Variants in KIRREL3 observed in about 807,000 individuals in gnomAD.
The protein encoded by KIRREL3 is kirre like nephrin family adhesion molecule 3, also known as kin of IRRE-like protein 3.
A neutral mutation model predicts 89.7 loss-of-function variants in KIRREL3; 36 were observed. The observed-to-expected ratio is 0.40, with a 90% CI of 0.31 to 0.53. KIRREL3 has a LOEUF of 0.53. KIRREL3 is among the 20% of genes least tolerant of loss of function. The probability of loss-of-function intolerance (pLI) is 0.49; values close to 1 mark genes in which losing one functional copy is unlikely to be tolerated. For synonymous variants in KIRREL3, 445 were observed against 441.4 expected, an observed-to-expected ratio of 1.01 and a Z score of -0.10; for missense variants, 864 against 1,056.6, an observed-to-expected ratio of 0.82 and a Z score of 2.53.
At position 126,904,270 on chromosome 11, in the gene KIRREL3, G is replaced by C. The variant is rs945312395; in HGVS notation, c.55+96185C>G. ...CAAGTTTCATTTAGCACAACATATA[G>C]ATGGTTTAAATCTACATTCAAGGTA... On this transcript the variant is annotated intron_variant, in intron 1 of 16. Transcript: ENST00000525144. The surrounding 1 kb of genome is among the most constrained non-coding windows in gnomAD (Gnocchi z 4.4). Among the ~76,000 whole-genome samples, 1 of 152,178 alleles carries C rather than the reference G, an allele frequency of 6.6e-6. No homozygotes were observed. Among genetic ancestry groups the C allele is most frequent in the African/African-American group, 2.4e-5 (1 of 41,438 alleles).
At chr11:126,962,483 T>C (rs1267227672) in intron 1 of KIRREL3, among the ~76,000 whole-genome samples, 1 of 152,192 alleles carries the variant, frequency 6.6e-6, no homozygotes, top group Admixed American at 6.5e-5. Context: ...GCTGCAATCT[T>C]GTAAGATTTT....
intron 1 of KIRREL3, among the ~76,000 whole-genome samples, chr11:126,979,208 AAGAGAGAAAGGG>A (rs1949658651): frequency 6.6e-6 from 1 of 152,236 alleles, no homozygotes; most frequent in Non-Finnish European, 1.5e-5. Context: ...GCAGAGGGGA[AAGAGAGAAAGGG>A]AGAGAGAAAT....
chr11:126,741,607 G>T (rs1243932370), intron 1 of KIRREL3, among the ~76,000 whole-genome samples: 1 of 152,210 alleles, frequency 6.6e-6, no homozygotes, highest in African/African-American at 2.4e-5. Context: ...GTACATCGGA[G>T]AGTTTAAAAA....
chr11:126,860,052 G>C lies in KIRREL3; in HGVS notation c.55+140403C>G, dbSNP rs1479403744. 2.6e-5 allele frequency among the ~76,000 whole-genome samples: 4 copies of C among 152,200 alleles called. No individual in the cohort carries two copies. The highest frequency in any genetic ancestry group is 9.7e-5 in the African/African-American group (4 of 41,446). ...TACTATTGTCTGAGAAGCGTAATCT[G>C]AAAGGGGACAGACATTTTTGACCAA... On this transcript the variant is annotated intron_variant, in intron 1 of 16. Transcript: ENST00000525144. The surrounding 1 kb of genome is among the most constrained non-coding windows in gnomAD (Gnocchi z 4.6).
chr11:126,440,642 A>G (rs1955528511), intron 10 of KIRREL3, 93 bp from the exon 11 acceptor site: 1 of 1,124,480 alleles, frequency 8.9e-7, no homozygotes, highest in Non-Finnish European at 1.3e-6. Context: ...TCATTAATCC[A>G]AGCATTCAGC....
rs199824562 is a variant in KIRREL3 at position 126,863,538 on chromosome 11, TGTGA to T, written c.55+136913_55+136916del. Reference sequence around the variant, plus strand: ...GTGTTTGAGTGCGTGTGTGAGTGCGTGTGAGTGTGTGAGTGCATGTGTGAGTGTG... The same window carrying T: ...GTGTTTGAGTGCGTGTGTGAGTGCGTGTGTGTGAGTGCATGTGTGAGTGTG... On this transcript the variant is annotated intron_variant, in intron 1 of 16. Transcript: ENST00000525144. Among the ~76,000 whole-genome samples the T allele has an allele frequency of 6.7e-5, 10 of 149,048 alleles. No individual in the cohort carries two copies. The East Asian group carries it at 1.8e-3, about 27-fold the overall frequency.
At position 126,580,826 on chromosome 11, in the gene KIRREL3, G is replaced by A. The variant is rs528958331; in HGVS notation, c.56-17914C>T. ...TCCCCACATGGCCCTACCTGTTCCC[G>A]GAATTTCCTGTTTTTTTTTTTTTTT... On this transcript the variant is annotated intron_variant, in intron 1 of 16. Coordinates refer to ENST00000525144, the MANE Select transcript of KIRREL3 (RefSeq NM_032531.4). Among the ~76,000 whole-genome samples, 5 of 139,224 alleles carry A rather than the reference G, an allele frequency of 3.6e-5. 1 individual carries two copies. Among genetic ancestry groups the A allele is most frequent in the South Asian group, 5.1e-4 (2 of 3,952 alleles). 91.3% of individuals were successfully genotyped at this position (139,224 alleles called of 152,430 possible).
chr11:126,939,037 T>C (rs5005608), intron 1 of KIRREL3, among the ~76,000 whole-genome samples: 120,392 of 152,142 alleles, frequency 0.79, 47,794 homozygotes, highest in South Asian at 0.83. Flanking sequence ...AGCCCCGCCC[T>C]GCCAGGCACA....
chr11:126,952,106 C>G (rs1334213158), intron 1 of KIRREL3, among the ~76,000 whole-genome samples: 2 of 152,076 alleles, frequency 1.3e-5, no homozygotes, highest in Non-Finnish European at 2.9e-5. Context: ...AGAGTTTTGG[C>G]TGGGCACGGT....
rs369092010 is a variant in KIRREL3 at position 126,736,327 on chromosome 11, C to T, written c.56-173415G>A. ...ATCTCCATTTTGCAGATAAGCAAAC[C>T]GAGGCTCAGAGAAGTGAAATCATTT... On this transcript the variant is annotated intron_variant, in intron 1 of 16. Transcript: ENST00000525144. This position sits in a 1 kb window ranked among gnomAD's most constrained non-coding sequence, Gnocchi z 5.0. Among the ~76,000 whole-genome samples the T allele has an allele frequency of 6.6e-5, 10 of 152,256 alleles. No individual in the cohort carries two copies. The highest frequency in any genetic ancestry group is 2.4e-4 in the African/African-American group (10 of 41,548).
chr11:126,500,224 C>T (rs1213333488), intron 4 of KIRREL3, among the ~76,000 whole-genome samples: 1 of 152,168 alleles, frequency 6.6e-6, no homozygotes. Flanking sequence ...CCCAAAGCCA[C>T]CTGATGTGAG....
intron 4 of KIRREL3, among the ~76,000 whole-genome samples, chr11:126,479,095 C>T (rs1437784297): frequency 6.6e-6 from 1 of 152,186 alleles, no homozygotes; most frequent in Non-Finnish European, 1.5e-5. Flanking sequence ...AGACACTTGG[C>T]TGAGTGGGGA....
At chr11:126,665,415 T>C (rs946063483) in intron 1 of KIRREL3, among the ~76,000 whole-genome samples, 5 of 151,796 alleles carry the variant, frequency 3.3e-5, no homozygotes, top group Non-Finnish European at 5.9e-5. Context: ...ATGGTCTGAA[T>C]GTTTGTGTTT....
In KIRREL3 at chr11:126,981,385, A is replaced by G. The variant is rs1300511904; in HGVS notation, c.55+19070T>C. Among the ~76,000 whole-genome samples the G allele has an allele frequency of 6.6e-6, 1 of 152,200 alleles. No homozygotes were observed. Among genetic ancestry groups the G allele is most frequent in the Non-Finnish European group, 1.5e-5 (1 of 68,040 alleles). On this transcript the variant is annotated intron_variant, in intron 1 of 16. Transcript: ENST00000525144. This position sits in a 1 kb window ranked among gnomAD's most constrained non-coding sequence, Gnocchi z 4.2. ...AGGCTGATGGCCATTGGGCCCACTG[A>G]CAGCATATTGCCTAATCGCCATTAT...
In KIRREL3 at chr11:126,906,803, C is replaced by T. The variant is rs958499246; in HGVS notation, c.55+93652G>A. Among the ~76,000 whole-genome samples, 15 of 152,312 alleles carry T rather than the reference C, an allele frequency of 9.8e-5. 1 individual carries two copies. The East Asian group carries it at 1.9e-3, about 20-fold the overall frequency. ...GGCTGCCTGTGGCTTCTTCCTGGGA[C>T]GTCTGCTCTGCCTCCTGAAAGGATG... On this transcript the variant is annotated intron_variant, in intron 1 of 16. Transcript: ENST00000525144. The surrounding 1 kb of genome is among the most constrained non-coding windows in gnomAD (Gnocchi z 4.1).
rs1298200991 is a variant in KIRREL3 at position 126,640,455 on chromosome 11, G to T, written c.56-77543C>A. Among the ~76,000 whole-genome samples, 3 of 152,202 alleles carry T rather than the reference G, an allele frequency of 2.0e-5. No individual in the cohort carries two copies. The highest frequency in any genetic ancestry group is 4.4e-5 in the Non-Finnish European group (3 of 68,040). ...TCAGTTCAGATTAGCAACATCAAAA[G>T]CATTCCAATCTGTTCCCTGCATACA... On this transcript the variant is annotated intron_variant, in intron 1 of 16. Coordinates refer to ENST00000525144, the MANE Select transcript of KIRREL3 (RefSeq NM_032531.4). This position sits in a 1 kb window ranked among gnomAD's most constrained non-coding sequence, Gnocchi z 4.9.
intron 1 of KIRREL3, among the ~76,000 whole-genome samples, chr11:126,820,696 C>G (rs559631215): frequency 2.0e-5 from 3 of 152,132 alleles, no homozygotes; most frequent in Non-Finnish European, 4.4e-5. Context: ...GGACAAGGCA[C>G]AAGCAGAGTC....
chr11:126,732,561 C>T (rs1948662736), intron 1 of KIRREL3, among the ~76,000 whole-genome samples: 1 of 152,224 alleles, frequency 6.6e-6, no homozygotes, highest in East Asian at 1.9e-4. Context: ...ACCTGCTTGT[C>T]TCGGGAAAGT....
Position 126,970,522 on chromosome 11 carries a change from C to A in KIRREL3, c.55+29933G>T, listed in dbSNP as rs1949402514. Reference sequence around the variant, plus strand: ...GTGCCCTGTCAACCCCACAGAGGGTCCAGAAAAAAGTCATGAATTGTACCA... The same window carrying A: ...GTGCCCTGTCAACCCCACAGAGGGTACAGAAAAAAGTCATGAATTGTACCA... On this transcript the variant is annotated intron_variant, in intron 1 of 16. Coordinates refer to ENST00000525144, the MANE Select transcript of KIRREL3 (RefSeq NM_032531.4). This position sits in a 1 kb window ranked among gnomAD's most constrained non-coding sequence, Gnocchi z 4.4. Among the ~76,000 whole-genome samples the A allele has an allele frequency of 6.6e-6, 1 of 152,116 alleles. No homozygotes were observed. The highest frequency in any genetic ancestry group is 1.5e-5 in the Non-Finnish European group (1 of 68,020).
Sources: allele counts gnomAD v4.1 joint callset (sites outside exome capture counted in the v4.1 genomes callset), GRCh38; gene constraint gnomAD v4.1.1; non-coding constraint Gnocchi (gnomAD v3.1); transcripts MANE v1.5; gene names NCBI Gene and HGNC (gene_info 2026-07-23, HGNC 2026-07-21).